Variants in TUSC3 observed in about 807,000 individuals in gnomAD.
TUSC3 encodes the protein dolichyl-diphosphooligosaccharide--protein glycosyltransferase subunit TUSC3.
TUSC3 carries 45 observed loss-of-function variants against 44.8 expected under a neutral mutation model. The observed-to-expected ratio is 1.00, with a 90% confidence interval of 0.79 to 1.29. TUSC3 has a LOEUF of 1.29. Ranked by LOEUF, TUSC3 falls within the 50% of genes most tolerant of loss-of-function variation. The pLI is 0.00. For synonymous variants in TUSC3, 212 were observed against 152.9 expected (o/e 1.39, Z -2.85); for missense variants, 519 against 437.9 (o/e 1.19, Z -1.65).
Position 15,743,598 on chromosome 8 carries a change from T to C in TUSC3, c.923T>C (p.Val308Ala), listed in dbSNP as rs774499805. The change falls in exon 8 of 11, where the codon GTT becomes GCT. Residue 308 changes from valine (V) to alanine (A), a missense_variant. By Grantham distance (64) the Val-to-Ala change is moderately conservative (BLOSUM62 0). Coordinates refer to ENST00000503731, the MANE Select transcript of TUSC3 (RefSeq NM_006765.4). ...LNEAATSKGD[V>A]GKRRIICLVG... is the part of the protein sequence containing the mutation. ...GAAGCAGCAACTTCGAAAGGCGATGTTGGAAAAAGACGGAGTAAGTCTCTG... is the reference window on the plus strand; with the variant it reads ...GAAGCAGCAACTTCGAAAGGCGATGCTGGAAAAAGACGGAGTAAGTCTCTG... 5.6e-6 allele frequency: 9 copies of C among 1,613,944 alleles called. 1 individual carries two copies. In the South Asian group the frequency reaches 9.9e-5, roughly 18 times the overall value.
intron 1 of TUSC3, among the ~76,000 whole-genome samples, chr8:15,471,450 C>G (rs1181851223): frequency 1.3e-5 from 2 of 152,086 alleles, no homozygotes; most frequent in Non-Finnish European, 2.9e-5. Context: ...ATTAATTGTT[C>G]TTGGAAGAAG....
chr8:15,697,351 G>GT (rs1229937027), intron 6 of TUSC3, among the ~76,000 whole-genome samples: 1 of 151,982 alleles, frequency 6.6e-6, no homozygotes, highest in Non-Finnish European at 1.5e-5. Context: ...TGTTTCTCTA[G>GT]TTCCTTGAGC....
intron 1 of TUSC3, among the ~76,000 whole-genome samples, chr8:15,606,434 G>A (rs1804529930): frequency 6.6e-6 from 1 of 151,992 alleles, no homozygotes; most frequent in African/African-American, 2.4e-5. Context: ...TTTGGGGAGT[G>A]AACACTTAAC....
At chr8:15,606,472 C>G (rs1241202280) in intron 1 of TUSC3, among the ~76,000 whole-genome samples, 1 of 151,964 alleles carries the variant, frequency 6.6e-6, no homozygotes, top group Non-Finnish European at 1.5e-5. Flanking sequence ...GTGGGTGCCC[C>G]TAACCTTCCC....
At chr8:15,669,171 A>T (rs971361573) in intron 5 of TUSC3, among the ~76,000 whole-genome samples, 2 of 151,828 alleles carry the variant, frequency 1.3e-5, no homozygotes, top group African/African-American at 4.8e-5. Flanking sequence ...ATATCAAGGA[A>T]GTTGAACAAC....
intron 6 of TUSC3, among the ~76,000 whole-genome samples, chr8:15,724,392 TC>T (rs1307464305): frequency 7.9e-5 from 12 of 152,146 alleles, no homozygotes; most frequent in African/African-American, 2.9e-4. Context: ...TAGACATTGA[TC>T]AGGAAAACTA....
chr8:15,809,048 A>G, the TUSC3 span, among the ~76,000 whole-genome samples: 3 of 152,120 alleles, frequency 2.0e-5, no homozygotes, highest in African/African-American at 7.2e-5. Flanking sequence ...TGGTGGGAGG[A>G]AAAGCACGTT....
the TUSC3 span, among the ~76,000 whole-genome samples, chr8:15,813,180 T>C: frequency 1.8e-4 from 27 of 152,292 alleles, no homozygotes; most frequent in South Asian, 4.8e-3. Flanking sequence ...ATTTACATTT[T>C]ATATTTGCTG....
rs1276079521 is a variant in TUSC3, at chr8:15,448,117, A to ATATATATATATATATATATATATT, written n.91+30815_91+30816insATATATATATATATATATATTTAT. Among the ~76,000 whole-genome samples, 110 of 93,694 alleles carry ATATATATATATATATATATATATT rather than the reference A, an allele frequency of 1.2e-3. 3 individuals carry two copies. Among genetic ancestry groups the ATATATATATATATATATATATATT allele is most frequent in the African/African-American group, 3.3e-3 (80 of 23,982 alleles). The allele number at this position is 93,694 out of a possible 152,430, so 61.5% of individuals were successfully genotyped here. ...TATGGTAGTGTATATACATATATATATATTTATTTATTTATTTTTTAGATG... is the reference window on the plus strand; with the variant it reads ...TATGGTAGTGTATATACATATATATATATATATATATATATATATATATTTATTTATTTATTTATTTTTTAGATG... On this transcript the variant is annotated intron_variant and non_coding_transcript_variant, in intron 1 of 5. Coordinates refer to the TUSC3 transcript ENST00000503191.
At chr8:15,420,084 T>G (rs559881829) in intron 1 of TUSC3, among the ~76,000 whole-genome samples, 4 of 152,290 alleles carry the variant, frequency 2.6e-5, no homozygotes, top group Non-Finnish European at 4.4e-5. Context: ...CCAAAAACAC[T>G]ATAACAAAGC....
intron 1 of TUSC3, among the ~76,000 whole-genome samples, chr8:15,480,377 A>G (rs760768888): frequency 5.9e-5 from 9 of 152,324 alleles, no homozygotes; most frequent in East Asian, 5.8e-4. Flanking sequence ...AACATATGCT[A>G]TACTTGACTT....
At chr8:15,799,373 G>C in the TUSC3 span, among the ~76,000 whole-genome samples, 1,976 of 151,960 alleles carry the variant, frequency 0.013, 40 homozygotes, top group African/African-American at 0.045. Flanking sequence ...TGTCAGAAAG[G>C]GGTGGACATT....
At chr8:15,623,035 G>T in intron 1 of TUSC3, 45 bp from the exon 2 acceptor site, 1 of 1,582,810 alleles carries the variant, frequency 6.3e-7, no homozygotes, top group South Asian at 1.1e-5. Context: ...TCAAACAAAA[G>T]GACTTTGACT....
At chr8:15,592,671 C>T (rs114257380) in intron 1 of TUSC3, among the ~76,000 whole-genome samples, 2,724 of 152,282 alleles carry the variant, frequency 0.018, 72 homozygotes, top group African/African-American at 0.06. Context: ...GTACAGCTTG[C>T]AGAACTGCTA....
intron 1 of TUSC3, among the ~76,000 whole-genome samples, chr8:15,439,294 A>G (rs7822114): frequency 0.16 from 24,715 of 152,218 alleles, 2,080 homozygotes; most frequent in Middle Eastern, 0.22. Context: ...TGCCAGGCAC[A>G]GTGGCTCATG....
rs370307898 is a variant in TUSC3, at chr8:15,508,583, T to G, written n.189+25100T>G. ...TTCGTGCCATTCTCCTGCCTCAGCC[T>G]CCCGAGTAGCTGGGACTACAGGCGC... On this transcript the variant is annotated intron_variant and non_coding_transcript_variant, in intron 2 of 5. Coordinates refer to the TUSC3 transcript ENST00000503191. Among the ~76,000 whole-genome samples, 11 of 144,368 alleles carry G rather than the reference T, an allele frequency of 7.6e-5. No individual in the cohort carries two copies. The East Asian group carries it at 2.5e-3, about 32-fold the overall frequency. The allele number at this position is 144,368 out of a possible 152,430, so 94.7% of individuals were successfully genotyped here. A position where few individuals can be genotyped will look rare whatever the true frequency, so the allele number is the denominator to read the frequency against.
At chr8:15,850,734 C>A in the TUSC3 span, among the ~76,000 whole-genome samples, 1 of 152,050 alleles carries the variant, frequency 6.6e-6, no homozygotes, top group Non-Finnish European at 1.5e-5. Flanking sequence ...CACGAAGATG[C>A]CATAAAAAGA....
intron 4 of TUSC3, among the ~76,000 whole-genome samples, 199 bp from the exon 5 acceptor site, chr8:15,661,957 T>C (rs1807444941): frequency 6.6e-6 from 1 of 152,028 alleles, no homozygotes; most frequent in Non-Finnish European, 1.5e-5. Context: ...ATCAGGGAAG[T>C]GCAAAGTCGT....
chr8:15,741,230 A>G lies in TUSC3; in HGVS notation c.863-2308A>G, dbSNP rs115722815. ...AATATATTGCTTTACTCCCATTAAAACTGTCATACATTTTATTTTGTAGGC... is the reference window on the plus strand; with the variant it reads ...AATATATTGCTTTACTCCCATTAAAGCTGTCATACATTTTATTTTGTAGGC... On this transcript the variant is annotated intron_variant, in intron 7 of 10. Transcript: ENST00000503731. Among the ~76,000 whole-genome samples the G allele has an allele frequency of 4.2e-3, 638 of 152,266 alleles. 5 individuals carry two copies. The highest frequency in any genetic ancestry group is 0.015 in the African/African-American group (613 of 41,550).
Sources: allele counts gnomAD v4.1 joint callset (sites outside exome capture counted in the v4.1 genomes callset), GRCh38; gene constraint gnomAD v4.1.1; transcripts MANE v1.5; gene names NCBI Gene and HGNC (gene_info 2026-07-23, HGNC 2026-07-21).